Variants in KIAA1217 observed in about 807,000 individuals in gnomAD.
KIAA1217 encodes the protein sickle tail protein homolog.
In KIAA1217, 88 loss-of-function variants were observed where a neutral mutation model predicts 163.9. The observed-to-expected ratio is 0.54, with a 90% CI of 0.45 to 0.64. KIAA1217 has a LOEUF of 0.64. KIAA1217 is among the 30% of genes least tolerant of loss of function. The probability of loss-of-function intolerance (pLI) is 0.00; values close to 1 mark genes in which losing one functional copy is unlikely to be tolerated. For synonymous variants in KIAA1217, 903 were observed against 923.1 expected, an observed-to-expected ratio of 0.98 and a Z score of 0.39; for missense variants, 2,372 against 2,475.0, an observed-to-expected ratio of 0.96 and a Z score of 0.88.
At chr10:23,804,919 T>C (rs1836663219) in intron 1 of KIAA1217, among the ~76,000 whole-genome samples, 1 of 152,088 alleles carries the variant, frequency 6.6e-6, no homozygotes, top group Non-Finnish European at 1.5e-5. Flanking sequence ...GGATCTCTGA[T>C]CTTAGAGAAA....
chr10:24,537,659 A>G (rs1332927432), intron 17 of KIAA1217, among the ~76,000 whole-genome samples: 1 of 152,198 alleles, frequency 6.6e-6, no homozygotes, highest in East Asian at 1.9e-4. Context: ...CACTGGTGTA[A>G]CCTCATGGAA....
rs1052810227 is a variant in KIAA1217 at position 23,730,259 on chromosome 10, C to A, written c.-321+35025C>A. Among the ~76,000 whole-genome samples, 5 of 151,962 alleles carry A rather than the reference C, an allele frequency of 3.3e-5. No homozygotes were observed. The South Asian group carries it at 1.0e-3, about 32-fold the overall frequency. ...GTGTCTAGATTCTTTTTTTTTCTTG[C>A]ATGTGGATGTTCAGTTGTTTCAGCA... On this transcript the variant is annotated intron_variant, in intron 1 of 18. Transcript: ENST00000376462.
intron 3 of KIAA1217, among the ~76,000 whole-genome samples, chr10:24,415,995 A>G (rs1181463141): frequency 6.6e-6 from 1 of 152,086 alleles, no homozygotes; most frequent in African/African-American, 2.4e-5. Flanking sequence ...CTAGGAAGGG[A>G]TGATCCGGCT....
intron 2 of KIAA1217, among the ~76,000 whole-genome samples, chr10:24,118,132 C>T (rs944458307): frequency 6.6e-6 from 1 of 150,794 alleles, no homozygotes; most frequent in African/African-American, 2.4e-5. Context: ...ACATGTACCC[C>T]TGAGCCTCAA....
chr10:24,444,726 C>T (rs574304455), intron 5 of KIAA1217, among the ~76,000 whole-genome samples: 114 of 152,252 alleles, frequency 7.5e-4, no homozygotes, highest in Non-Finnish European at 1.4e-3. Flanking sequence ...AATAGTTGTG[C>T]TTCTCCTGGT....
intron 2 of KIAA1217, among the ~76,000 whole-genome samples, chr10:24,170,851 T>G (rs1307052698): frequency 6.6e-6 from 1 of 152,206 alleles, no homozygotes; most frequent in African/African-American, 2.4e-5. Context: ...GGAACTGGCT[T>G]ATGAGTGAAG....
intron 3 of KIAA1217, among the ~76,000 whole-genome samples, chr10:24,393,427 T>C (rs1418037593): frequency 1.3e-5 from 2 of 152,144 alleles, no homozygotes; most frequent in African/African-American, 4.8e-5. Context: ...AGCCAGACTT[T>C]CCATCCAGGA....
intron 1 of KIAA1217, among the ~76,000 whole-genome samples, chr10:23,918,767 T>C (rs987010696): frequency 9.4e-5 from 13 of 138,658 alleles, no homozygotes; most frequent in African/African-American, 2.5e-4. Flanking sequence ...CACACACACA[T>C]ATATAGTAAG....
In KIAA1217 at chr10:23,982,235, G is replaced by A. The variant is rs535321079; in HGVS notation, c.-320-24990G>A. Reference sequence around the variant, plus strand: ...GAACAAGTTACAACTGTTAAAGAAAGAAACTGGGTATCAGGGAATCTGTGC... The same window carrying A: ...GAACAAGTTACAACTGTTAAAGAAAAAAACTGGGTATCAGGGAATCTGTGC... On this transcript the variant is annotated intron_variant, in intron 1 of 18. Transcript: ENST00000376462. Among the ~76,000 whole-genome samples, 34 of 152,238 alleles carry A rather than the reference G, an allele frequency of 2.2e-4. No homozygotes were observed. The South Asian group carries it at 2.3e-3, about 10-fold the overall frequency.
At chr10:24,026,742 A>ATTTTTTTTTTTTTTTTTTTT in intron 2 of KIAA1217, among the ~76,000 whole-genome samples, 2 of 70,092 alleles carry the variant, frequency 2.9e-5, no homozygotes, top group Non-Finnish European at 5.5e-5. Context: ...TATTTCATTG[A>ATTTTTTTTTTTTTTTTTTTT]TTTTTTTTTT....
intron 1 of KIAA1217, among the ~76,000 whole-genome samples, chr10:23,767,172 A>G (rs1290943601): frequency 6.6e-6 from 1 of 152,226 alleles, no homozygotes; most frequent in African/African-American, 2.4e-5. Context: ...GCCAACAGCT[A>G]TGAATACGTA....
chr10:23,936,133 G>A (rs980742308), intron 1 of KIAA1217, among the ~76,000 whole-genome samples: 1 of 152,130 alleles, frequency 6.6e-6, no homozygotes, highest in Non-Finnish European at 1.5e-5. Flanking sequence ...CTCACAGGAG[G>A]GAAGCAGGTC....
chr10:23,794,947 T>C (rs1836128178), intron 1 of KIAA1217, among the ~76,000 whole-genome samples: 1 of 152,232 alleles, frequency 6.6e-6, no homozygotes, highest in Non-Finnish European at 1.5e-5. Flanking sequence ...TGACTCAGTT[T>C]CCAGCTTGTG....
At chr10:23,714,123 T>C (rs1837424079) in intron 1 of KIAA1217, among the ~76,000 whole-genome samples, 1 of 152,100 alleles carries the variant, frequency 6.6e-6, no homozygotes, top group Non-Finnish European at 1.5e-5. Context: ...TTCTACCTTT[T>C]CTCCATATCC....
intron 1 of KIAA1217, among the ~76,000 whole-genome samples, chr10:23,765,721 T>C (rs1259228715): frequency 6.6e-6 from 1 of 152,082 alleles, no homozygotes; most frequent in Non-Finnish European, 1.5e-5. Flanking sequence ...TCTCCTGCTG[T>C]CATGTAATAC....
In KIAA1217 at chr10:24,228,955, A is replaced by G. The variant is rs532481273; in HGVS notation, c.354+9046A>G. On this transcript the variant is annotated intron_variant, in intron 2 of 20. Transcript: ENST00000376454. ...TTTTTGATGAATTTAATTGTATCAA[A>G]TCAAATTGCAGAACTCCAGCATGGA... is the stretch of plus-strand genomic sequence containing the variant. Among the ~76,000 whole-genome samples, 13 of 152,360 alleles carry G rather than the reference A, an allele frequency of 8.5e-5. No individual in the cohort carries two copies. In the South Asian group the frequency reaches 2.3e-3, roughly 27 times the overall value.
At chr10:24,405,835 C>T (rs1254359782) in intron 3 of KIAA1217, among the ~76,000 whole-genome samples, 2 of 152,254 alleles carry the variant, frequency 1.3e-5, no homozygotes, top group African/African-American at 4.8e-5. Flanking sequence ...ATCTCCTAAG[C>T]ATATGTGCTT....
At chr10:24,252,832 G>T (rs750791138) in intron 2 of KIAA1217, among the ~76,000 whole-genome samples, 9 of 151,900 alleles carry the variant, frequency 5.9e-5, no homozygotes, top group Non-Finnish European at 1.3e-4. Flanking sequence ...TTTAGATGGA[G>T]ATACCTGCCA....
rs144144830 is a variant in KIAA1217 at position 23,858,192 on chromosome 10, C to T, written c.-320-149033C>T. On this transcript the variant is annotated intron_variant, in intron 1 of 18. Coordinates refer to the KIAA1217 transcript ENST00000376462. ...TCTCTGGGCTCTGACTTAATCCTGC[C>T]AGGTCTCAGTTTCTTCTCCTGAAAA... Among the ~76,000 whole-genome samples the T allele has an allele frequency of 4.1e-3, 618 of 152,130 alleles. 2 individuals are homozygous for T. Among genetic ancestry groups the T allele is most frequent in the Non-Finnish European group, 6.8e-3 (460 of 67,982 alleles).
Sources: allele counts gnomAD v4.1 joint callset (sites outside exome capture counted in the v4.1 genomes callset), GRCh38; gene constraint gnomAD v4.1.1; transcripts MANE v1.5; gene names NCBI Gene and HGNC (gene_info 2026-07-23, HGNC 2026-07-21).